DNAH5: variants seen among roughly 807,000 people sequenced by gnomAD.
The protein encoded by DNAH5 is axonemal beta dynein heavy chain 5.
Under a neutral mutation model 518.2 loss-of-function variants are expected in DNAH5, and 372 were observed. The observed-to-expected ratio is 0.72, with a 90% CI of 0.66 to 0.78. The LOEUF is 0.78. Among genes scored for constraint, DNAH5 ranks in the 30% least tolerant of loss-of-function variants. The pLI is 0.00. For synonymous variants in DNAH5, 2,039 were observed against 2,025.9 expected, an observed-to-expected ratio of 1.01 and a Z score of -0.17; for missense variants, 5,523 against 5,687.0, an observed-to-expected ratio of 0.97 and a Z score of 0.93.
chr5:13,742,271 C>A (rs756234080), intron 65 of DNAH5, among the ~76,000 whole-genome samples: 8 of 152,074 alleles, frequency 5.3e-5, no homozygotes, highest in African/African-American at 1.4e-4. Flanking sequence ...CAGGTCTTAT[C>A]AATTCTTGCT....
chr5:13,718,311 A>C (rs1344673798), intron 72 of DNAH5, among the ~76,000 whole-genome samples: 1 of 152,218 alleles, frequency 6.6e-6, no homozygotes, highest in Non-Finnish European at 1.5e-5. Context: ...TGTCAACAGC[A>C]AGGGCCAGAA....
chr5:13,943,070 CTT>C (rs1395929464), intron 1 of DNAH5, among the ~76,000 whole-genome samples: 1 of 152,158 alleles, frequency 6.6e-6, no homozygotes, highest in Non-Finnish European at 1.5e-5. Context: ...CTCCAAAAGA[CTT>C]GACTTACTCT....
chr5:13,964,498 G>A lies in DNAH5; in HGVS notation c.13-33254C>T, dbSNP rs571730808. 1.2e-4 allele frequency among the ~76,000 whole-genome samples: 19 copies of A among 152,336 alleles called. No individual in the cohort carries two copies. In the South Asian group the frequency reaches 2.1e-3, roughly 17 times the overall value. ...TAGATGGGAACCAAGAGGGGCTAGA[G>A]GCAGAGAGATCGCTCAAGGTCACAC... On this transcript the variant is annotated intron_variant, in intron 1 of 78. Transcript: ENST00000681290.
chr5:13,832,681 C>T (rs1448975060), intron 35 of DNAH5, among the ~76,000 whole-genome samples: 1 of 152,150 alleles, frequency 6.6e-6, no homozygotes, highest in Non-Finnish European at 1.5e-5. Flanking sequence ...CACACTTGTA[C>T]CCTCAACTAC....
intron 65 of DNAH5, among the ~76,000 whole-genome samples, chr5:13,750,595 C>T (rs1750074722): frequency 6.6e-6 from 1 of 152,174 alleles, no homozygotes; most frequent in African/African-American, 2.4e-5. Flanking sequence ...TACTACAGGG[C>T]TCTCTTAGAT....
intron 12 of DNAH5, among the ~76,000 whole-genome samples, chr5:13,904,048 G>C (rs1013037120): frequency 4.0e-5 from 6 of 151,646 alleles, no homozygotes; most frequent in Non-Finnish European, 8.8e-5. Context: ...ATGAATGAGA[G>C]GTAGGCTGAT....
chr5:13,764,393 A>T (rs749850881), intron 59 of DNAH5, among the ~76,000 whole-genome samples: 1 of 152,180 alleles, frequency 6.6e-6, no homozygotes, highest in African/African-American at 2.4e-5. Context: ...CATATAAGGA[A>T]ATTCTACAAA....
chr5:13,701,249 A>C (rs1352852305), intron 77 of DNAH5, 35 bp downstream of exon 77: 4 of 1,613,808 alleles, frequency 2.5e-6, no homozygotes, highest in Non-Finnish European at 3.4e-6. Context: ...GAGGAAAATT[A>C]TAATAACGCA....
chr5:13,898,419 A>G (rs962798178), intron 15 of DNAH5: 1 of 397,296 alleles, frequency 2.5e-6, no homozygotes, highest in Admixed American at 4.4e-5. Flanking sequence ...CTAATGTGAA[A>G]GAGTCTAAAA....
At chr5:13,862,841 C>G in intron 28 of DNAH5, 94 bp from the exon 29 acceptor site, 1 of 315,488 alleles carries the variant, frequency 3.2e-6, no homozygotes, top group Non-Finnish European at 5.3e-6. Flanking sequence ...CTATTTGCTT[C>G]ATATATATAT....
intron 28 of DNAH5, among the ~76,000 whole-genome samples, chr5:13,864,045 T>A (rs147023539): frequency 1.3e-5 from 2 of 152,350 alleles, no homozygotes; most frequent in East Asian, 3.9e-4. Flanking sequence ...TACGCATGCA[T>A]CCTAGTCCTC....
chr5:13,923,879 A>G (rs1777572132), intron 3 of DNAH5, among the ~76,000 whole-genome samples: 1 of 152,026 alleles, frequency 6.6e-6, no homozygotes, highest in Non-Finnish European at 1.5e-5. Flanking sequence ...CCCTGTCTCT[A>G]CTAAAAAAAA....
Position 13,830,103 on chromosome 5 carries a change from C to G in DNAH5, c.6172G>C (p.Glu2058Gln). Residue 2058 changes from glutamate to glutamine, a missense_variant, in exon 37 of 79, where the codon GAG becomes CAG. Around this residue, in one of 3 missense-constraint regions of DNAH5, gnomAD observed 5,121 missense variants for 5,223.3 expected, o/e 0.98. Coordinates refer to ENST00000265104, the MANE Select transcript of DNAH5 (RefSeq NM_001369.3). ...GTAAAGATAAAAGACTTTTTGTGCT[C>G]CTTTTTACATGTCAGAATAATGGAA... ...QISIILTCKKEHKKSFIFTDG... is the reference protein window; with the variant it reads ...QISIILTCKKQHKKSFIFTDG... The G allele has an allele frequency of 6.2e-7, 1 of 1,613,918 alleles. No homozygotes were observed. Among genetic ancestry groups the G allele is most frequent in the Non-Finnish European group, 8.5e-7 (1 of 1,179,894 alleles).
chr5:13,985,430 A>AACATATAT (rs1554006218), intron 1 of DNAH5, among the ~76,000 whole-genome samples: 1 of 127,346 alleles, frequency 7.9e-6, no homozygotes, highest in Non-Finnish European at 1.7e-5. Flanking sequence ...AGTATAATAA[A>AACATATAT]ATATATATAT....
At chr5:13,833,903 C>T (rs1464127394) in intron 35 of DNAH5, among the ~76,000 whole-genome samples, 1 of 152,216 alleles carries the variant, frequency 6.6e-6, no homozygotes, top group Non-Finnish European at 1.5e-5. Flanking sequence ...ACTCTGTCCA[C>T]ATGGCATTGA....
In DNAH5 at chr5:13,885,045, T is replaced by C. The variant is rs1772205325; in HGVS notation, c.2927A>G (p.Asn976Ser). ...ACGTTTGCGAATGGCCTCTAGTGTA[T>C]TCCTTGTAACTTTCAGAAGAGCATC... is the stretch of plus-strand genomic sequence containing the variant. ...NMDALLKVTR[N>S]TLEAIRKRIH... The change falls in exon 19 of 79, where the codon AAT becomes AGT. Residue 976 changes from asparagine to serine, a missense_variant. Asn to Ser is a conservative substitution (Grantham distance 46). This residue lies in a region of DNAH5 where 5,121 missense variants were observed against 5,223.3 expected (regional missense o/e 0.98). Transcript: ENST00000265104. 1 of 1,614,188 alleles carries C rather than the reference T, an allele frequency of 6.2e-7. No individual in the cohort carries two copies. The highest frequency in any genetic ancestry group is 8.5e-7 in the Non-Finnish European group (1 of 1,180,020).
intron 21 of DNAH5, 105 bp downstream of exon 21, chr5:13,882,623 C>G (rs750513728): frequency 1.4e-5 from 13 of 906,970 alleles, no homozygotes; most frequent in Non-Finnish European, 2.3e-5. Flanking sequence ...GATTAATATT[C>G]TGATGTAAAA....
At chr5:13,701,096 A>G (rs112226903) in intron 77 of DNAH5, among the ~76,000 whole-genome samples, 188 bp downstream of exon 77, 4 of 152,306 alleles carry the variant, frequency 2.6e-5, no homozygotes, top group African/African-American at 9.6e-5. Flanking sequence ...ATAAGAAATA[A>G]ATATTTTGAA....
At position 13,944,652 on chromosome 5, in the gene DNAH5, C is replaced by T. The variant is rs1475995671; in HGVS notation, c.-214G>A. 3 of 581,266 alleles carry T rather than the reference C, an allele frequency of 5.2e-6. No individual in the cohort carries two copies. Among genetic ancestry groups the T allele is most frequent in the East Asian group, 2.9e-5 (1 of 33,928 alleles). The allele number at this position is 581,266 out of a possible 1,614,324, so 36.0% of individuals were successfully genotyped here. A position where few individuals can be genotyped will look rare whatever the true frequency, so the allele number is the denominator to read the frequency against. ...CAAGTTTTTCTCCTAGAGTGTCTGC[C>T]CTGGGCCTCTCCTCTCTCTCGAAGC... is the stretch of plus-strand genomic sequence containing the variant. On this transcript the variant is annotated 5_prime_UTR_variant, in exon 1 of 79. Transcript: ENST00000265104.
Sources: gnomAD v4.1 joint callset for allele counts (sites outside exome capture counted in the v4.1 genomes callset) on GRCh38, gnomAD v4.1.1 for gene constraint, gnomAD v4.1.1 regional missense constraint, MANE v1.5 for transcripts, NCBI Gene and HGNC (gene_info 2026-07-23, HGNC 2026-07-21) for gene names.